RGS6: variants seen among roughly 807,000 people sequenced by gnomAD.
The protein encoded by RGS6 is regulator of G-protein signaling 6.
A neutral mutation model predicts 78.5 loss-of-function variants in RGS6; 30 were observed. The ratio of observed to expected loss-of-function variants is 0.38; its 90% CI spans 0.29 to 0.52. RGS6 has a LOEUF of 0.52. RGS6 is among the 20% of genes least tolerant of loss of function. RGS6 has a pLI of 0.85. For missense variants in RGS6, 495 were observed against 609.7 expected, an observed-to-expected ratio of 0.81 and a Z score of 1.98; for synonymous variants, 206 against 206.0, an observed-to-expected ratio of 1.00 and a Z score of 0.00.
intron 2 of RGS6, among the ~76,000 whole-genome samples, chr14:72,024,163 T>C (rs1000588770): frequency 2.6e-5 from 3 of 115,884 alleles, no homozygotes; most frequent in Non-Finnish European, 5.6e-5. Context: ...TGCCCTGTCA[T>C]TTCTGGTAGT....
chr14:71,941,378 C>T (rs2090523104), intron 1 of RGS6, among the ~76,000 whole-genome samples: 1 of 152,134 alleles, frequency 6.6e-6, no homozygotes. Flanking sequence ...CCAGAAACCC[C>T]AAAACCAACG....
the RGS6 span, among the ~76,000 whole-genome samples, chr14:71,890,358 C>CAGACAGAGAGAGAGAGAGAGAG: frequency 9.4e-4 from 125 of 133,082 alleles, no homozygotes; most frequent in South Asian, 3.4e-3. Flanking sequence ...GTGCATAAGA[C>CAGACAGAGAGAGAGAGAGAGAG]AGAGAGAGAG....
chr14:72,137,791 A>C (rs2096468839), intron 2 of RGS6, among the ~76,000 whole-genome samples: 1 of 152,216 alleles, frequency 6.6e-6, no homozygotes, highest in Admixed American at 6.5e-5. Context: ...TTTTGTTCAC[A>C]AACTGAGAAG....
intron 15 of RGS6, among the ~76,000 whole-genome samples, chr14:72,532,816 G>A (rs1474500187): frequency 1.3e-5 from 2 of 152,234 alleles, no homozygotes; most frequent in African/African-American, 4.8e-5. Flanking sequence ...AAGAGGTGAG[G>A]AAGCTGCAGA....
intron 2 of RGS6, among the ~76,000 whole-genome samples, chr14:72,078,698 G>A (rs925522795): frequency 3.3e-5 from 5 of 152,252 alleles, no homozygotes; most frequent in East Asian, 1.9e-4. Context: ...GATTACAGGC[G>A]TGAGCCACTG....
intron 2 of RGS6, among the ~76,000 whole-genome samples, chr14:72,066,239 G>T (rs985318422): frequency 3.3e-5 from 5 of 152,100 alleles, no homozygotes; most frequent in Non-Finnish European, 7.4e-5. Context: ...CGGGTCACTG[G>T]AGATTTTGCT....
intron 3 of RGS6, among the ~76,000 whole-genome samples, chr14:72,424,319 T>C (rs1468822387): frequency 6.6e-6 from 1 of 152,204 alleles, no homozygotes; most frequent in Non-Finnish European, 1.5e-5. Context: ...TTGAAATGTT[T>C]CACTTAAAAA....
chr14:71,938,929 C>T (rs1358213935), intron 1 of RGS6, among the ~76,000 whole-genome samples: 1 of 152,168 alleles, frequency 6.6e-6, no homozygotes, highest in African/African-American at 2.4e-5. Flanking sequence ...TGTGATTCAC[C>T]TATGGGCGCC....
At chr14:72,134,066 C>T (rs1232716035) in intron 2 of RGS6, among the ~76,000 whole-genome samples, 1 of 152,196 alleles carries the variant, frequency 6.6e-6, no homozygotes, top group Non-Finnish European at 1.5e-5. Context: ...TACTTGGCAT[C>T]CCTAGCAGCT....
intron 2 of RGS6, among the ~76,000 whole-genome samples, chr14:72,011,926 A>G (rs1394309230): frequency 3.3e-5 from 5 of 152,186 alleles, no homozygotes; most frequent in African/African-American, 4.8e-5. Context: ...AGATATTAGA[A>G]GTTCTATTTA....
intron 2 of RGS6, among the ~76,000 whole-genome samples, chr14:72,007,953 GT>G (rs1235078483): frequency 2.6e-5 from 4 of 152,176 alleles, no homozygotes; most frequent in Admixed American, 2.6e-4. Context: ...GTGTCAACAA[GT>G]AAAAAGCAGA....
At chr14:72,293,845 G>A (rs1386649951) in intron 2 of RGS6, among the ~76,000 whole-genome samples, 1 of 152,162 alleles carries the variant, frequency 6.6e-6, no homozygotes, top group Non-Finnish European at 1.5e-5. Flanking sequence ...TGCTCTTATA[G>A]CACCAAAGTA....
chr14:72,550,034 C>T (rs774947782), intron 17 of RGS6, among the ~76,000 whole-genome samples: 9 of 152,128 alleles, frequency 5.9e-5, no homozygotes, highest in Admixed American at 5.2e-4. Context: ...CCCCGATTGC[C>T]GATGACACTC....
chr14:72,086,922 G>T (rs1411002005), intron 2 of RGS6, among the ~76,000 whole-genome samples: 2 of 152,132 alleles, frequency 1.3e-5, no homozygotes, highest in Non-Finnish European at 1.5e-5. Context: ...CTGAATAGTT[G>T]TAGCTAATGA....
chr14:72,004,246 A>G (rs1037224205), intron 2 of RGS6, among the ~76,000 whole-genome samples: 2 of 152,150 alleles, frequency 1.3e-5, no homozygotes, highest in African/African-American at 4.8e-5. Flanking sequence ...TGTAGTTCTT[A>G]TTTATGTTCT....
intron 2 of RGS6, among the ~76,000 whole-genome samples, chr14:72,174,713 T>G (rs1219006792): frequency 1.3e-5 from 2 of 152,006 alleles, no homozygotes; most frequent in East Asian, 3.9e-4. Context: ...TACCCACAGA[T>G]TGGAAGGGAC....
At chr14:72,507,508 C>A (rs2096823124) in intron 13 of RGS6, among the ~76,000 whole-genome samples, 1 of 152,234 alleles carries the variant, frequency 6.6e-6, no homozygotes, top group South Asian at 2.1e-4. Flanking sequence ...TTTATTTCTG[C>A]TGAACTATGA....
intron 2 of RGS6, among the ~76,000 whole-genome samples, chr14:72,290,998 G>T (rs996510960): frequency 6.6e-6 from 1 of 151,990 alleles, no homozygotes; most frequent in African/African-American, 2.4e-5. Context: ...TTCTGCTCCC[G>T]CCAGATGATC....
At chr14:72,413,277 G>A (rs1175951967) in intron 3 of RGS6, among the ~76,000 whole-genome samples, 2 of 152,222 alleles carry the variant, frequency 1.3e-5, no homozygotes, top group Non-Finnish European at 2.9e-5. Context: ...ATATATTTAG[G>A]ATAGTTAGTT....
Sources: allele counts gnomAD v4.1 joint callset (sites outside exome capture counted in the v4.1 genomes callset), GRCh38; gene constraint gnomAD v4.1.1; transcripts MANE v1.5; gene names NCBI Gene and HGNC (gene_info 2026-07-23, HGNC 2026-07-21).